The following ANKRD29 variants were observed in gnomAD, a reference collection of about 807,000 sequenced individuals.
ANKRD29 encodes the protein ankyrin repeat domain 29.
A neutral mutation model predicts 38.0 loss-of-function variants in ANKRD29; 32 were observed. The observed-to-expected ratio is 0.84, with a 90% confidence interval of 0.64 to 1.13. The LOEUF is 1.13. Ranked by LOEUF, ANKRD29 falls within the 50% of genes most tolerant of loss-of-function variation. The pLI, the probability that ANKRD29 is intolerant of heterozygous loss-of-function variation, is 0.00. For missense variants in ANKRD29, 357 were observed against 377.9 expected (o/e 0.94, Z 0.46); for synonymous variants, 135 against 152.4 (o/e 0.89, Z 0.84).
At chr18:23,634,278 G>GTTTTTTTTTTTTTTTTTTTTTT (rs71163626) in intron 4 of ANKRD29, 129 bp from the exon 5 acceptor site, 1 of 343,748 alleles carries the variant, frequency 2.9e-6, no homozygotes, top group Admixed American at 4.8e-5. Context: ...CACTTTCCCT[G>GTTTTTTTTTTTTTTTTTTTTTT]TTTTTTTTTT....
intron 6 of ANKRD29, 58 bp downstream of exon 6, chr18:23,629,795 C>T: frequency 6.8e-7 from 1 of 1,461,456 alleles, no homozygotes; most frequent in Non-Finnish European, 9.5e-7. Flanking sequence ...CAGCGGACAC[C>T]CAGCCCTCCC....
Position 23,619,648 on chromosome 18 carries a change from G to A in ANKRD29, c.529-19C>T. ...TCCCGTCCTGCGGGAAGAGGAGGCG[G>A]CGGCCGCCGTGACTGGGGCGCCCGG... On this transcript the variant is annotated intron_variant, in intron 6 of 9. Transcript: ENST00000592179. 2 of 1,531,068 alleles carry A rather than the reference G, an allele frequency of 1.3e-6. No individual in the cohort carries two copies. The highest frequency in any genetic ancestry group is 2.2e-5 in the Admixed American group (1 of 46,396). The allele number at this position is 1,531,068 out of a possible 1,614,324, so 94.8% of individuals were successfully genotyped here. A position where few individuals can be genotyped will look rare whatever the true frequency, so the allele number is the denominator to read the frequency against.
At chr18:23,611,345 C>T (rs373490208) in intron 9 of ANKRD29, among the ~76,000 whole-genome samples, 5 of 152,182 alleles carry the variant, frequency 3.3e-5, no homozygotes, top group South Asian at 2.1e-4. Flanking sequence ...AGTAACTGCT[C>T]TCCCTTTCTT....
At chr18:23,635,540 C>G (rs1190688242) in intron 4 of ANKRD29, among the ~76,000 whole-genome samples, 1 of 152,204 alleles carries the variant, frequency 6.6e-6, no homozygotes, top group Admixed American at 6.5e-5. Flanking sequence ...TTGTTTGGCT[C>G]TCTGAACTGG....
At chr18:23,634,930 G>A (rs1211096703) in intron 4 of ANKRD29, among the ~76,000 whole-genome samples, 3 of 152,174 alleles carry the variant, frequency 2.0e-5, no homozygotes, top group South Asian at 2.1e-4. Context: ...TGTTTGTATG[G>A]GGTAACCCTC....
intron 6 of ANKRD29, among the ~76,000 whole-genome samples, chr18:23,628,674 C>G (rs533874195): frequency 6.6e-6 from 1 of 151,998 alleles, no homozygotes; most frequent in South Asian, 2.1e-4. Context: ...CAAAATGTAT[C>G]TCTACTAAAA....
At chr18:23,618,621 C>G (rs1173658799) in intron 7 of ANKRD29, 1 of 152,062 alleles carries the variant, frequency 6.6e-6, no homozygotes, top group Non-Finnish European at 1.5e-5. Flanking sequence ...AATGAAAAGC[C>G]AAATTCAAAA....
intron 6 of ANKRD29, among the ~76,000 whole-genome samples, chr18:23,621,499 G>A (rs531202941): frequency 2.0e-5 from 3 of 152,100 alleles, no homozygotes; most frequent in Admixed American, 2.0e-4. Context: ...GAGGGAAGTG[G>A]AAGACACTTT....
intron 6 of ANKRD29, among the ~76,000 whole-genome samples, chr18:23,620,188 T>C: frequency 6.6e-6 from 1 of 152,200 alleles, no homozygotes; most frequent in Non-Finnish European, 1.5e-5. Context: ...AAGTCATTTC[T>C]CCTACTCTTC....
intron 8 of ANKRD29, among the ~76,000 whole-genome samples, chr18:23,616,168 T>C (rs1331037023): frequency 6.7e-6 from 1 of 149,890 alleles, no homozygotes; most frequent in African/African-American, 2.4e-5. Flanking sequence ...GTATGTATAC[T>C]CTATACATAC....
intron 3 of ANKRD29, among the ~76,000 whole-genome samples, chr18:23,642,881 A>G (rs1490859973): frequency 6.6e-6 from 1 of 152,232 alleles, no homozygotes; most frequent in Non-Finnish European, 1.5e-5. Flanking sequence ...CTTACATGCA[A>G]TGATTAAAAA....
rs1442326656 is a variant in ANKRD29, at chr18:23,629,942, T to C, written c.439A>G (p.Thr147Ala). ...CCTTGGGCAGCTAGGAAGAGGGCAG[T>C]GGCTCCATCCTGAGAGAGAACAAAT... is the stretch of plus-strand genomic sequence containing the variant. ...NIHDQLYDGA[T>A]ALFLAAQGGY... Residue 147 changes from threonine to alanine, a missense_variant, in exon 6 of 10, where the codon ACT becomes GCT. Transcript: ENST00000592179. 1 of 1,613,768 alleles carries C rather than the reference T, an allele frequency of 6.2e-7. No individual in the cohort carries two copies. The highest frequency in any genetic ancestry group is 2.2e-5 in the East Asian group (1 of 44,888).
chr18:23,626,822 C>G (rs1241276821), intron 6 of ANKRD29, among the ~76,000 whole-genome samples: 1 of 152,250 alleles, frequency 6.6e-6, no homozygotes, highest in Admixed American at 6.5e-5. Context: ...GTAACTTTGT[C>G]AACATCCTGT....
In ANKRD29 at chr18:23,601,075, G is replaced by A. The variant is rs1389325999; in HGVS notation, c.*151C>T. 1.7e-5 allele frequency: 11 copies of A among 666,162 alleles called. No individual in the cohort carries two copies. The highest frequency in any genetic ancestry group is 8.7e-5 in the Admixed American group (3 of 34,622). The allele number at this position is 666,162 out of a possible 1,614,324, so 41.3% of individuals were successfully genotyped here. A position where few individuals can be genotyped will look rare whatever the true frequency, so the allele number is the denominator to read the frequency against. Reference sequence around the variant, plus strand: ...TGTTTGGTTCTTGACTTCGTGCACAGAGCGTAGCTCTTCTTTGTCAGGGAC... The same window carrying A: ...TGTTTGGTTCTTGACTTCGTGCACAAAGCGTAGCTCTTCTTTGTCAGGGAC... On this transcript the variant is annotated 3_prime_UTR_variant, in exon 10 of 10. Coordinates refer to ENST00000592179, the MANE Select transcript of ANKRD29 (RefSeq NM_173505.4).
chr18:23,641,155 C>T (rs940238811), intron 3 of ANKRD29, among the ~76,000 whole-genome samples: 14 of 152,192 alleles, frequency 9.2e-5, no homozygotes, highest in Admixed American at 3.3e-4. Context: ...GCAGCAGCTG[C>T]GAAGATGCAG....
In ANKRD29 at chr18:23,652,239, G is replaced by A. The variant is rs980561287; in HGVS notation, c.22-3046C>T. Among the ~76,000 whole-genome samples, 8 of 152,150 alleles carry A rather than the reference G, an allele frequency of 5.3e-5. No individual in the cohort carries two copies. In the East Asian group the frequency reaches 7.7e-4, roughly 15 times the overall value. On this transcript the variant is annotated intron_variant, in intron 1 of 9. Coordinates refer to ENST00000592179, the MANE Select transcript of ANKRD29 (RefSeq NM_173505.4). ...AAGTGCTTACTCTGGACCACGTGGC[G>A]TATCTTCTGCATACACTAGCTTATT...
intron 5 of ANKRD29, among the ~76,000 whole-genome samples, chr18:23,632,296 G>T (rs2059942667): frequency 6.6e-6 from 1 of 151,204 alleles, no homozygotes; most frequent in African/African-American, 2.4e-5. Flanking sequence ...CCCATGCATT[G>T]AATTTTTCAC....
chr18:23,618,358 A>G (rs938988061), intron 7 of ANKRD29, among the ~76,000 whole-genome samples: 1 of 152,202 alleles, frequency 6.6e-6, no homozygotes, highest in African/African-American at 2.4e-5. Context: ...GCAGTGGCTC[A>G]CGCCTGTAAT....
chr18:23,662,272 C>A (rs1598559380), intron 1 of ANKRD29, among the ~76,000 whole-genome samples: 1 of 152,186 alleles, frequency 6.6e-6, no homozygotes. Flanking sequence ...CTGAAGCCTC[C>A]CTGGGTGCTG....
Sources: gnomAD v4.1 joint callset for allele counts (sites outside exome capture counted in the v4.1 genomes callset) on GRCh38, gnomAD v4.1.1 for gene constraint, MANE v1.5 for transcripts, NCBI Gene and HGNC (gene_info 2026-07-23, HGNC 2026-07-21) for gene names.